GRIP1: variants seen among roughly 807,000 people sequenced by gnomAD.
GRIP1 encodes the protein glutamate receptor-interacting protein 1.
A neutral mutation model predicts 129.9 loss-of-function variants in GRIP1; 45 were observed. The observed-to-expected ratio is 0.35, with a 90% CI of 0.27 to 0.44. The LOEUF is 0.44. Among genes scored for constraint, GRIP1 ranks in the 20% least tolerant of loss-of-function variants. GRIP1 has a pLI of 1.00. For synonymous variants in GRIP1, 530 were observed against 520.8 expected, an observed-to-expected ratio of 1.02 and a Z score of -0.24; for missense variants, 1,196 against 1,396.8, an observed-to-expected ratio of 0.86 and a Z score of 2.29.
chr12:66,789,305 T>A (rs1934070330), intron 1 of GRIP1, among the ~76,000 whole-genome samples: 1 of 151,980 alleles, frequency 6.6e-6, no homozygotes, highest in South Asian at 2.1e-4. Flanking sequence ...GAGGAGAAAA[T>A]CCCATAAGAT....
chr12:67,008,028 G>A (rs971892864), intron 1 of GRIP1, among the ~76,000 whole-genome samples: 1 of 152,156 alleles, frequency 6.6e-6, no homozygotes, highest in Non-Finnish European at 1.5e-5. Context: ...TAAAGCATCT[G>A]CACAGTATAC....
At chr12:66,506,478 T>C (rs981910449) in intron 7 of GRIP1, among the ~76,000 whole-genome samples, 1 of 152,166 alleles carries the variant, frequency 6.6e-6, no homozygotes, top group Non-Finnish European at 1.5e-5. Flanking sequence ...AAGTTTAAAG[T>C]CCAGCAAAAT....
At chr12:66,980,272 G>A (rs974505228) in intron 1 of GRIP1, among the ~76,000 whole-genome samples, 2 of 152,188 alleles carry the variant, frequency 1.3e-5, no homozygotes, top group African/African-American at 4.8e-5. Flanking sequence ...AGCAATGACA[G>A]CTTACACATA....
At chr12:66,973,168 T>C (rs1302663301) in intron 1 of GRIP1, among the ~76,000 whole-genome samples, 1 of 152,152 alleles carries the variant, frequency 6.6e-6, no homozygotes, top group African/African-American at 2.4e-5. Flanking sequence ...CATGTAATTT[T>C]TATAAATCTA....
Position 66,541,796 on chromosome 12 carries a change from T to A in GRIP1, c.272+19A>T. ...ACACCCTGTGTTCCTTTCAGTAGAT[T>A]TCCCCAAGAGGCAGTTACCTAGCAG... On this transcript the variant is annotated intron_variant, in intron 3 of 24. Transcript: ENST00000359742. The A allele has an allele frequency of 1.2e-6, 2 of 1,612,970 alleles. No homozygotes were observed. Among genetic ancestry groups the A allele is most frequent in the East Asian group, 2.2e-5 (1 of 44,880 alleles).
intron 1 of GRIP1, among the ~76,000 whole-genome samples, chr12:66,605,757 CA>C (rs2064495237): frequency 1.3e-5 from 2 of 152,184 alleles, no homozygotes; most frequent in South Asian, 4.2e-4. Context: ...TGATACATGT[CA>C]ACTGCAGGCA....
chr12:66,661,984 G>A (rs530132240), intron 1 of GRIP1, among the ~76,000 whole-genome samples: 2 of 152,262 alleles, frequency 1.3e-5, no homozygotes, highest in African/African-American at 4.8e-5. Context: ...ACGTAACACT[G>A]TAGCCATTCC....
At chr12:66,349,945 T>C (rs2054146869) in intron 24 of GRIP1, among the ~76,000 whole-genome samples, 2 of 152,118 alleles carry the variant, frequency 1.3e-5, no homozygotes, top group Non-Finnish European at 2.9e-5. Flanking sequence ...TTCTACTCCT[T>C]GATCTTCCAT....
chr12:66,569,476 GA>G (rs112800580), intron 2 of GRIP1, among the ~76,000 whole-genome samples: 5 of 148,550 alleles, frequency 3.4e-5, no homozygotes, highest in South Asian at 2.1e-4. Flanking sequence ...GACTTCGTCT[GA>G]AAAAAAAAAG....
chr12:66,610,823 G>T (rs1245673420), intron 1 of GRIP1, among the ~76,000 whole-genome samples: 1 of 152,092 alleles, frequency 6.6e-6, no homozygotes, highest in Non-Finnish European at 1.5e-5. Flanking sequence ...AACAGACATT[G>T]CAGAGGTGGG....
intron 2 of GRIP1, among the ~76,000 whole-genome samples, chr12:66,576,926 T>C (rs1477133034): frequency 6.6e-6 from 1 of 152,232 alleles, no homozygotes; most frequent in Non-Finnish European, 1.5e-5. Flanking sequence ...ACATCATTAT[T>C]TCATTTAAAA....
chr12:66,688,483 A>C (rs968650585), intron 1 of GRIP1, among the ~76,000 whole-genome samples: 4 of 152,196 alleles, frequency 2.6e-5, no homozygotes, highest in Non-Finnish European at 5.9e-5. Context: ...TCCAGAGTCC[A>C]TTCCATTTGT....
At chr12:66,454,441 G>A (rs913784742) in intron 11 of GRIP1, among the ~76,000 whole-genome samples, 2 of 152,178 alleles carry the variant, frequency 1.3e-5, no homozygotes, top group African/African-American at 4.8e-5. Context: ...TACATGACAA[G>A]AAACAGACTC....
At chr12:66,941,153 T>C (rs560608345) in intron 1 of GRIP1, among the ~76,000 whole-genome samples, 85 of 148,280 alleles carry the variant, frequency 5.7e-4, no homozygotes, top group Non-Finnish European at 1.1e-3. Context: ...GTATATTAAT[T>C]CATGTGATTA....
intron 13 of GRIP1, 120 bp downstream of exon 13, chr12:66,444,464 G>T: frequency 2.4e-6 from 2 of 821,990 alleles, no homozygotes; most frequent in Non-Finnish European, 3.8e-6. Flanking sequence ...CCGCAGTCCA[G>T]CCTGGGCGAC....
chr12:66,616,817 G>C (rs1022743756), intron 1 of GRIP1, among the ~76,000 whole-genome samples: 1 of 152,070 alleles, frequency 6.6e-6, no homozygotes, highest in Non-Finnish European at 1.5e-5. Flanking sequence ...GGAAAACCAA[G>C]TAGCTGTTTG....
intron 1 of GRIP1, among the ~76,000 whole-genome samples, chr12:66,881,818 G>C (rs951379360): frequency 8.5e-5 from 13 of 152,238 alleles, no homozygotes; most frequent in African/African-American, 2.9e-4. Flanking sequence ...AAAGAACTCA[G>C]CTGTAACAAA....
chr12:66,742,062 C>T (rs1375088334), intron 1 of GRIP1, among the ~76,000 whole-genome samples: 4 of 152,110 alleles, frequency 2.6e-5, no homozygotes, highest in Admixed American at 6.6e-5. Context: ...CTGCTTTATA[C>T]AGTAACTAGG....
In GRIP1 at chr12:66,455,481, T is replaced by C; in HGVS notation, c.1282A>G (p.Ser428Gly). ...CCACGTGGGCTGGTGGAGTAGAGGCTTCGAGGTAGAGTCCCCATGTTCAGG... is the reference window on the plus strand; with the variant it reads ...CCACGTGGGCTGGTGGAGTAGAGGCCTCGAGGTAGAGTCCCCATGTTCAGG... ...SSLNMGTLPR[S>G]LYSTSPRGTM... Residue 428 changes from serine to glycine, a missense_variant, in exon 11 of 25, where the codon AGC becomes GGC. Around this residue, in one of 5 missense-constraint regions of GRIP1, gnomAD observed 508 missense variants for 587.0 expected, o/e 0.87. Coordinates refer to ENST00000359742, the MANE Select transcript of GRIP1 (RefSeq NM_001366722.1). The C allele has an allele frequency of 6.2e-7, 1 of 1,613,892 alleles. No individual in the cohort carries two copies. Among genetic ancestry groups the C allele is most frequent in the Non-Finnish European group, 8.5e-7 (1 of 1,179,760 alleles).
Sources: allele counts gnomAD v4.1 joint callset (sites outside exome capture counted in the v4.1 genomes callset), GRCh38; gene constraint gnomAD v4.1.1; regional missense constraint gnomAD v4.1.1; transcripts MANE v1.5; gene names NCBI Gene and HGNC (gene_info 2026-07-23, HGNC 2026-07-21).